The following STOX2 variants were observed in gnomAD, a reference collection of about 807,000 sequenced individuals.
The protein encoded by STOX2 is storkhead-box protein 2.
In STOX2, 28 loss-of-function variants were observed where a neutral mutation model predicts 60.9. The observed-to-expected ratio is 0.46, with a 90% confidence interval of 0.34 to 0.63. STOX2 has a LOEUF of 0.63. STOX2 is among the 30% of genes least tolerant of loss of function. The pLI, the probability that STOX2 is intolerant of heterozygous loss-of-function variation, is 0.01. For missense variants in STOX2, 1,024 were observed against 1,187.7 expected (o/e 0.86, Z 2.03); for synonymous variants, 472 against 463.9 (o/e 1.02, Z -0.22).
At chr4:183,877,535 GAGCCGTTTTGCA>G (rs1345663895) in intron 1 of STOX2, among the ~76,000 whole-genome samples, 7 of 152,220 alleles carry the variant, frequency 4.6e-5, no homozygotes, top group Non-Finnish European at 1.5e-5. Flanking sequence ...CTTTGTTGCA[GAGCCGTTTTGCA>G]TGCTCTGTAT....
intron 1 of STOX2, among the ~76,000 whole-genome samples, chr4:183,979,620 A>G (rs1732576626): frequency 6.6e-6 from 1 of 152,158 alleles, no homozygotes; most frequent in Non-Finnish European, 1.5e-5. Flanking sequence ...GTTATTAGGA[A>G]CTAACAGTAT....
intron 1 of STOX2, among the ~76,000 whole-genome samples, chr4:183,810,088 T>C (rs1475816148): frequency 6.6e-6 from 1 of 152,216 alleles, no homozygotes; most frequent in Non-Finnish European, 1.5e-5. Flanking sequence ...TGGTTTCCTT[T>C]TGACCTTGTA....
intron 1 of STOX2, among the ~76,000 whole-genome samples, chr4:183,837,893 T>C (rs893797192): frequency 1.2e-4 from 18 of 152,236 alleles, no homozygotes; most frequent in African/African-American, 3.9e-4. Context: ...TTCCACTTTT[T>C]GGCTATGATG....
At chr4:183,969,605 T>TA (rs1432311884) in intron 1 of STOX2, among the ~76,000 whole-genome samples, 2 of 151,610 alleles carry the variant, frequency 1.3e-5, no homozygotes, top group African/African-American at 4.9e-5. Flanking sequence ...ACTTTGAACT[T>TA]ACCATTTTCA....
In STOX2 at chr4:183,940,914, G is replaced by A. The variant is rs560696978; in HGVS notation, c.166+33958G>A. On this transcript the variant is annotated intron_variant, in intron 1 of 3. Coordinates refer to ENST00000308497, the MANE Select transcript of STOX2 (RefSeq NM_020225.3). The stretch of plus-strand genomic sequence containing the variant: ...ATAAATATTTGTTGATGAATACCGT[G>A]TCAAATAAACCACTTTTCATTCAGG... Among the ~76,000 whole-genome samples the A allele has an allele frequency of 2.6e-5, 4 of 152,252 alleles. No homozygotes were observed. In the South Asian group the frequency reaches 8.3e-4, roughly 32 times the overall value.
At chr4:183,916,785 A>G (rs1024245020) in intron 1 of STOX2, among the ~76,000 whole-genome samples, 14 of 152,220 alleles carry the variant, frequency 9.2e-5, no homozygotes, top group African/African-American at 3.1e-4. Flanking sequence ...GTTGAGTTTT[A>G]CTTTGCAACC....
chr4:183,855,072 A>G (rs1361833048), intron 1 of STOX2, among the ~76,000 whole-genome samples: 1 of 152,338 alleles, frequency 6.6e-6, no homozygotes, highest in African/African-American at 2.4e-5. Context: ...TAAGATTCAC[A>G]GAGTGATGTA....
In STOX2 at chr4:183,846,877, G is replaced by A. The variant is rs573654797; in HGVS notation, c.364+48822G>A. On this transcript the variant is annotated intron_variant, in intron 1 of 2. Coordinates refer to the STOX2 transcript ENST00000513034. ...TTTGAATATTGTAATGTGATAACTC[G>A]GGTAGTCAGATTCTTTCTGATTCTC... Among the ~76,000 whole-genome samples, 7 of 151,870 alleles carry A rather than the reference G, an allele frequency of 4.6e-5. No homozygotes were observed. In the South Asian group the frequency reaches 6.3e-4, roughly 14 times the overall value.
intron 1 of STOX2, among the ~76,000 whole-genome samples, chr4:183,817,735 CT>C (rs1238273598): frequency 1.3e-5 from 2 of 152,066 alleles, no homozygotes; most frequent in Non-Finnish European, 2.9e-5. Context: ...AGAGATTTGC[CT>C]TTGTGACTTG....
At chr4:183,982,060 G>A (rs1336688880) in intron 1 of STOX2, among the ~76,000 whole-genome samples, 1 of 152,224 alleles carries the variant, frequency 6.6e-6, no homozygotes, top group Non-Finnish European at 1.5e-5. Context: ...AGAATCAGGG[G>A]ACCTGAGTGC....
At chr4:183,900,119 C>T (rs1282294970) in intron 1 of STOX2, among the ~76,000 whole-genome samples, 1 of 152,160 alleles carries the variant, frequency 6.6e-6, no homozygotes, top group Non-Finnish European at 1.5e-5. Flanking sequence ...ATATTTTAAG[C>T]CCACTGTTGA....
At chr4:183,937,076 T>C (rs894765259) in intron 1 of STOX2, among the ~76,000 whole-genome samples, 2 of 152,218 alleles carry the variant, frequency 1.3e-5, no homozygotes, top group Non-Finnish European at 2.9e-5. Context: ...CATATATTTT[T>C]ATGCACTCAG....
Position 184,009,136 on chromosome 4 carries a change from G to GTGTT in STOX2, c.320-21_320-20insGTTT. ...TGTTCTGTCTTCATTCTCACAAGTGGTTTTTTTTTTTTTTTTTTCAGGTGT... is the reference window on the plus strand; with the variant it reads ...TGTTCTGTCTTCATTCTCACAAGTGGTGTTTTTTTTTTTTTTTTTTTTCAGGTGT... On this transcript the variant is annotated intron_variant, in intron 2 of 3. Transcript: ENST00000308497. The surrounding 1 kb of genome is among the most constrained non-coding windows in gnomAD (Gnocchi z 4.0). 1.4e-6 allele frequency: 1 copy of GTGTT among 716,354 alleles called. No homozygotes were observed. Among genetic ancestry groups the GTGTT allele is most frequent in the Non-Finnish European group, 2.2e-6 (1 of 463,072 alleles). 44.4% of individuals were successfully genotyped at this position (716,354 alleles called of 1,614,324 possible). A position where few individuals can be genotyped will look rare whatever the true frequency, so the allele number is the denominator to read the frequency against.
chr4:183,903,559 C>T (rs1741510511), upstream of STOX2, among the ~76,000 whole-genome samples: 1 of 152,196 alleles, frequency 6.6e-6, no homozygotes, highest in Admixed American at 6.5e-5. Flanking sequence ...CATCCCAGGG[C>T]TTGCGTATTC....
intron 1 of STOX2, among the ~76,000 whole-genome samples, chr4:183,850,902 GGGAAAGGATGA>G (rs1740105755): frequency 2.6e-5 from 1 of 38,646 alleles, no homozygotes; most frequent in Non-Finnish European, 7.9e-5. Context: ...GAAACGATGA[GGGAAAGGATGA>G]GGGAAAGGAT....
At chr4:183,990,145 T>C (rs948078518) in intron 1 of STOX2, among the ~76,000 whole-genome samples, 1 of 152,176 alleles carries the variant, frequency 6.6e-6, no homozygotes, top group African/African-American at 2.4e-5. Flanking sequence ...GTTTAAAGGA[T>C]GTTTGGTCAG....
At chr4:183,818,544 A>G (rs966710097) in intron 1 of STOX2, among the ~76,000 whole-genome samples, 1 of 152,010 alleles carries the variant, frequency 6.6e-6, no homozygotes, top group African/African-American at 2.4e-5. Flanking sequence ...TTTTCCCCAC[A>G]TTTCCCCCTT....
chr4:183,820,317 C>T (rs1372618890), intron 1 of STOX2, among the ~76,000 whole-genome samples: 1 of 152,116 alleles, frequency 6.6e-6, no homozygotes, highest in East Asian at 1.9e-4. Flanking sequence ...CACATCTTGC[C>T]CCTACTATTA....
At chr4:183,952,765 AG>A (rs1743130850) in intron 1 of STOX2, among the ~76,000 whole-genome samples, 1 of 152,214 alleles carries the variant, frequency 6.6e-6, no homozygotes, top group Non-Finnish European at 1.5e-5. Flanking sequence ...TCTTTACTGT[AG>A]GACTCCTTAG....
Sources: allele counts gnomAD v4.1 joint callset (sites outside exome capture counted in the v4.1 genomes callset), GRCh38; gene constraint gnomAD v4.1.1; non-coding constraint Gnocchi (gnomAD v3.1); transcripts MANE v1.5; gene names NCBI Gene and HGNC (gene_info 2026-07-23, HGNC 2026-07-21).